The following EFCAB11 variants were observed in gnomAD, a reference collection of about 807,000 sequenced individuals.
EFCAB11 encodes the protein EF-hand calcium-binding domain-containing protein 11.
In EFCAB11, 14 loss-of-function variants were observed where a neutral mutation model predicts 23.0. The observed-to-expected ratio is 0.61, with a 90% CI of 0.40 to 0.95. EFCAB11 has a LOEUF of 0.95. Among genes scored for constraint, EFCAB11 ranks in the 40% least tolerant of loss-of-function variants. The pLI, the probability that EFCAB11 is intolerant of heterozygous loss-of-function variation, is 0.00. For synonymous variants in EFCAB11, 65 were observed against 66.6 expected (o/e 0.98, Z 0.11); for missense variants, 198 against 195.8 (o/e 1.01, Z -0.07).
intron 5 of EFCAB11, among the ~76,000 whole-genome samples, chr14:89,809,795 C>T (rs563241328): frequency 3.3e-5 from 5 of 152,212 alleles, no homozygotes; most frequent in East Asian, 3.9e-4. Flanking sequence ...CTACCTCCCT[C>T]CCCCCGTCAA....
At chr14:89,875,980 G>C (rs1171394735) in intron 5 of EFCAB11, among the ~76,000 whole-genome samples, 1 of 152,186 alleles carries the variant, frequency 6.6e-6, no homozygotes, top group African/African-American at 2.4e-5. Context: ...GGCATCTCAA[G>C]GAGGTCATTA....
intron 5 of EFCAB11, among the ~76,000 whole-genome samples, chr14:89,925,069 AAAG>A (rs1368147715): frequency 6.6e-6 from 1 of 152,282 alleles, no homozygotes; most frequent in Non-Finnish European, 1.5e-5. Context: ...ACATTTAAGG[AAAG>A]AAGACTGTAC....
chr14:89,842,502 G>A (rs572399503), intron 5 of EFCAB11, among the ~76,000 whole-genome samples: 26 of 152,292 alleles, frequency 1.7e-4, no homozygotes, highest in Admixed American at 4.6e-4. Context: ...TTGAACCCAG[G>A]AGGCGGAGGC....
intron 5 of EFCAB11, among the ~76,000 whole-genome samples, chr14:89,896,314 C>T (rs1250259539): frequency 3.9e-5 from 6 of 151,916 alleles, no homozygotes; most frequent in Non-Finnish European, 8.8e-5. Flanking sequence ...GGCGTGAACC[C>T]GGGAGGCGGA....
At position 89,950,611 on chromosome 14, in the gene EFCAB11, C is replaced by A. The variant is rs576071739; in HGVS notation, c.172-469G>T. Among the ~76,000 whole-genome samples, 6 of 152,162 alleles carry A rather than the reference C, an allele frequency of 3.9e-5. No individual in the cohort carries two copies. In the East Asian group the frequency reaches 1.2e-3, roughly 29 times the overall value. On this transcript the variant is annotated intron_variant, in intron 2 of 5. Transcript: ENST00000316738. ...AAAAAATCAGCCATCCAATGAAAAT[C>A]ATTGTTATCATTTTAGACTAATCAG...
At chr14:89,804,054 C>T (rs539430813) in intron 5 of EFCAB11, among the ~76,000 whole-genome samples, 2 of 152,292 alleles carry the variant, frequency 1.3e-5, no homozygotes, top group Non-Finnish European at 2.9e-5. Flanking sequence ...CCTTTGTGCC[C>T]GTCCCACGCT....
At chr14:89,850,313 G>T (rs1887565336) in intron 5 of EFCAB11, among the ~76,000 whole-genome samples, 1 of 152,174 alleles carries the variant, frequency 6.6e-6, no homozygotes, top group African/African-American at 2.4e-5. Context: ...CTGCCTTACA[G>T]ACACCATGTG....
In EFCAB11 at chr14:89,797,002, C is replaced by T; in HGVS notation, c.*241G>A. 4.3e-6 allele frequency: 1 copy of T among 234,914 alleles called. No homozygotes were observed. Among genetic ancestry groups the T allele is most frequent in the Non-Finnish European group, 8.4e-6 (1 of 119,490 alleles). The allele number at this position is 234,914 out of a possible 1,614,324, so 14.6% of individuals were successfully genotyped here. A position where few individuals can be genotyped will look rare whatever the true frequency, so the allele number is the denominator to read the frequency against. On this transcript the variant is annotated 3_prime_UTR_variant, in exon 6 of 6. Coordinates refer to ENST00000316738, the MANE Select transcript of EFCAB11 (RefSeq NM_145231.4). ...TTCTGAGATGCAAGTCTATCATCAG[C>T]ATCCAAAAATTATGATTAAAAATTT...
At chr14:89,953,748 G>T (rs1244360523) in intron 2 of EFCAB11, among the ~76,000 whole-genome samples, 158 bp downstream of exon 2, 2 of 152,188 alleles carry the variant, frequency 1.3e-5, no homozygotes, top group African/African-American at 4.8e-5. Flanking sequence ...TCTCTGGGCT[G>T]AGGTGTTAAG....
chr14:89,876,000 T>C (rs540995689), intron 5 of EFCAB11, among the ~76,000 whole-genome samples: 89 of 152,276 alleles, frequency 5.8e-4, no homozygotes, highest in Non-Finnish European at 9.3e-4. Flanking sequence ...AGTTTGAATG[T>C]TGAAAAGGGT....
intron 5 of EFCAB11, among the ~76,000 whole-genome samples, chr14:89,883,508 C>T (rs74490946): frequency 6.6e-6 from 1 of 152,234 alleles, no homozygotes; most frequent in African/African-American, 2.4e-5. Context: ...AAATCATCTC[C>T]AGATTATTCA....
chr14:89,950,623 T>G (rs943976725), intron 2 of EFCAB11, among the ~76,000 whole-genome samples: 1 of 152,166 alleles, frequency 6.6e-6, no homozygotes, highest in Non-Finnish European at 1.5e-5. Context: ...TTGTTATCAT[T>G]TTAGACTAAT....
chr14:89,903,326 C>T (rs1234181101), intron 5 of EFCAB11, among the ~76,000 whole-genome samples: 1 of 152,094 alleles, frequency 6.6e-6, no homozygotes, highest in African/African-American at 2.4e-5. Flanking sequence ...AATGAACAAC[C>T]ACAGAACTAT....
chr14:89,887,889 A>G (rs901644140), intron 5 of EFCAB11, among the ~76,000 whole-genome samples: 5 of 152,176 alleles, frequency 3.3e-5, no homozygotes, highest in Non-Finnish European at 7.3e-5. Flanking sequence ...ATTTTCTTGG[A>G]AATGGATATA....
intron 3 of EFCAB11, among the ~76,000 whole-genome samples, chr14:89,945,231 T>C (rs191703658): frequency 1.4e-4 from 21 of 152,192 alleles, no homozygotes; most frequent in Middle Eastern, 6.8e-3. Flanking sequence ...ATTCCAATCT[T>C]TACTATTTCC....
intron 5 of EFCAB11, among the ~76,000 whole-genome samples, chr14:89,897,265 T>G (rs961934499): frequency 6.7e-6 from 1 of 150,122 alleles, no homozygotes; most frequent in Admixed American, 6.7e-5. Flanking sequence ...TGGAGTGCAG[T>G]GGCGTGATCT....
chr14:89,866,731 G>A (rs944823490), intron 5 of EFCAB11, among the ~76,000 whole-genome samples: 4 of 152,222 alleles, frequency 2.6e-5, no homozygotes, highest in Admixed American at 6.5e-5. Flanking sequence ...CATTCATGAT[G>A]TTCTTTGGTT....
chr14:89,947,787 C>A (rs199758493), intron 3 of EFCAB11, among the ~76,000 whole-genome samples: 1 of 152,140 alleles, frequency 6.6e-6, no homozygotes, highest in African/African-American at 2.4e-5. Context: ...CATTCTCAGT[C>A]CACTCTATCT....
In EFCAB11 at chr14:89,953,933, T is replaced by C; in HGVS notation, c.144A>G (p.Val48=). 8 of 1,613,808 alleles carry C rather than the reference T, an allele frequency of 5.0e-6. No homozygotes were observed. Among genetic ancestry groups the C allele is most frequent in the Non-Finnish European group, 6.8e-6 (8 of 1,179,990 alleles). ...TGGAGGGCTTGTACCCAAACAGCAT[T>C]ACAACAGCAGTTTTAAAGTCCTCTC... ...LSREDFKTAV[V]MLFGYKPSKI... Residue 48 remains valine (V), a synonymous_variant, in exon 2 of 6, where the codon GTA becomes GTG. Transcript: ENST00000316738.
Sources: allele counts gnomAD v4.1 joint callset (sites outside exome capture counted in the v4.1 genomes callset), GRCh38; gene constraint gnomAD v4.1.1; transcripts MANE v1.5; gene names NCBI Gene and HGNC (gene_info 2026-07-23, HGNC 2026-07-21).